Variants in CSMD1 observed in about 807,000 individuals in gnomAD.
The protein encoded by CSMD1 is CUB and sushi domain-containing protein 1.
A neutral mutation model predicts 417.5 loss-of-function variants in CSMD1; 213 were observed. That is an observed-to-expected ratio of 0.51 (90% confidence interval 0.46 to 0.57). The LOEUF (loss-of-function observed/expected upper bound fraction) is 0.57. Ranked by LOEUF, CSMD1 falls within the 20% of genes least tolerant of loss-of-function variation. CSMD1 has a pLI of 0.00. For missense variants in CSMD1, 6,923 were observed against 4,529.7 expected (o/e 1.53, Z -15.17); for synonymous variants, 2,862 against 1,736.8 (o/e 1.65, Z -16.11).
chr8:4,219,934 T>TA, intron 3 of CSMD1, among the ~76,000 whole-genome samples: 1 of 152,162 alleles, frequency 6.6e-6, no homozygotes, highest in Non-Finnish European at 1.5e-5. Context: ...TCACTCAAGA[T>TA]AATTTTTTAA....
At chr8:3,223,188 T>C (rs1350789332) in intron 28 of CSMD1, among the ~76,000 whole-genome samples, 2 of 152,230 alleles carry the variant, frequency 1.3e-5, no homozygotes, top group East Asian at 3.8e-4. Flanking sequence ...TATTAGACCT[T>C]CCATCGTCTA....
At chr8:2,985,427 G>A (rs1805808154) in intron 54 of CSMD1, among the ~76,000 whole-genome samples, 1 of 151,990 alleles carries the variant, frequency 6.6e-6, no homozygotes, top group African/African-American at 2.4e-5. Flanking sequence ...AGACTGGTGT[G>A]ATACTGCTAC....
At position 4,581,436 on chromosome 8, in the gene CSMD1, TAGCA is replaced by T. The variant is rs1266500841; in HGVS notation, c.302+55902_302+55905del. ...TTTATCTTTTTGAGCTTGGCAGATC[TAGCA>T]AGCAGTTGTTTTCTATTTTGAAAAC... On this transcript the variant is annotated intron_variant, in intron 2 of 69. Coordinates refer to ENST00000635120, the MANE Select transcript of CSMD1 (RefSeq NM_033225.6). 3.3e-5 allele frequency among the ~76,000 whole-genome samples: 5 copies of T among 152,230 alleles called. No individual in the cohort carries two copies. In the East Asian group the frequency reaches 7.7e-4, roughly 23 times the overall value.
intron 1 of CSMD1, among the ~76,000 whole-genome samples, chr8:4,694,651 C>G (rs1657879969): frequency 6.6e-6 from 1 of 152,040 alleles, no homozygotes; most frequent in African/African-American, 2.4e-5. Context: ...CCGTGAGTCA[C>G]CGCGCCCAGC....
At chr8:3,810,241 G>A (rs778155343) in intron 5 of CSMD1, among the ~76,000 whole-genome samples, 1 of 152,100 alleles carries the variant, frequency 6.6e-6, no homozygotes, top group Non-Finnish European at 1.5e-5. Context: ...TTTTCATAGA[G>A]ATTTCAAAAG....
chr8:4,727,463 G>T (rs1311779198), intron 1 of CSMD1, among the ~76,000 whole-genome samples: 2 of 152,140 alleles, frequency 1.3e-5, no homozygotes, highest in East Asian at 3.8e-4. Flanking sequence ...AAAGACTGGG[G>T]AAAACAATAA....
In CSMD1 at chr8:4,977,338, C is replaced by T. The variant is rs10094610; in HGVS notation, c.85+16994G>A. Reference sequence around the variant, plus strand: ...ACGCCCTTCTAACCTTGATTGAAAACGCAGCAGCACTTACCCCAGGCCCAC... The same window carrying T: ...ACGCCCTTCTAACCTTGATTGAAAATGCAGCAGCACTTACCCCAGGCCCAC... On this transcript the variant is annotated intron_variant, in intron 1 of 69. Coordinates refer to ENST00000635120, the MANE Select transcript of CSMD1 (RefSeq NM_033225.6). Among the ~76,000 whole-genome samples the T allele has an allele frequency of 3.3e-3, 498 of 152,136 alleles. 1 individual carries two copies. The highest frequency in any genetic ancestry group is 0.011 in the African/African-American group (446 of 41,498).
At position 4,196,120 on chromosome 8, in the gene CSMD1, A is replaced by C. The variant is rs536638422; in HGVS notation, c.416-164021T>G. On this transcript the variant is annotated intron_variant, in intron 3 of 69. Coordinates refer to ENST00000635120, the MANE Select transcript of CSMD1 (RefSeq NM_033225.6). ...CAGCTGCTGGGGAGACTGAGGCAGG[A>C]GAATGGCTTGAACCCGGGAAGTGGA... Among the ~76,000 whole-genome samples the C allele has an allele frequency of 8.5e-5, 13 of 152,220 alleles. No individual in the cohort carries two copies. In the South Asian group the frequency reaches 2.7e-3, roughly 32 times the overall value.
At chr8:3,180,765 G>A (rs1821271756) in intron 37 of CSMD1, among the ~76,000 whole-genome samples, 1 of 152,046 alleles carries the variant, frequency 6.6e-6, no homozygotes, top group African/African-American at 2.4e-5. Flanking sequence ...AGGTAGCTGA[G>A]ATTACAGGCG....
At chr8:4,492,061 T>A (rs1049587111) in intron 2 of CSMD1, among the ~76,000 whole-genome samples, 1 of 151,858 alleles carries the variant, frequency 6.6e-6, no homozygotes, top group Non-Finnish European at 1.5e-5. Context: ...AGAAACGACC[T>A]GTCAAGACAC....
chr8:3,311,241 C>G lies in CSMD1; in HGVS notation c.3632-2738G>C, dbSNP rs186061448. Among the ~76,000 whole-genome samples, 11 of 152,024 alleles carry G rather than the reference C, an allele frequency of 7.2e-5. No homozygotes were observed. In the East Asian group the frequency reaches 1.7e-3, roughly 24 times the overall value. ...TGTTGACATGAGATAGTCCTCCCCA[C>G]TACTAATAACAAACAACTTTTTTTT... On this transcript the variant is annotated intron_variant, in intron 23 of 69. Transcript: ENST00000635120.
intron 5 of CSMD1, among the ~76,000 whole-genome samples, chr8:3,812,507 A>C (rs13255496): frequency 0.4 from 60,770 of 152,054 alleles, 12,406 homozygotes; most frequent in East Asian, 0.47. Flanking sequence ...ACAACACTGA[A>C]AAACAGTTTG....
intron 26 of CSMD1, among the ~76,000 whole-genome samples, chr8:3,243,570 G>C (rs1799684889): frequency 6.6e-6 from 1 of 152,056 alleles, no homozygotes; most frequent in African/African-American, 2.4e-5. Context: ...ACAAGATAAT[G>C]TCATCAGTTA....
intron 17 of CSMD1, among the ~76,000 whole-genome samples, chr8:3,393,150 C>G (rs963999963): frequency 6.6e-6 from 1 of 152,180 alleles, no homozygotes; most frequent in Non-Finnish European, 1.5e-5. Flanking sequence ...TCCCTTAAGT[C>G]AGAGGAATAG....
At chr8:3,899,115 G>T (rs551422815) in intron 5 of CSMD1, among the ~76,000 whole-genome samples, 2 of 152,118 alleles carry the variant, frequency 1.3e-5, no homozygotes, top group African/African-American at 2.4e-5. Flanking sequence ...CATAAGTACT[G>T]ACTGGCGCCA....
At chr8:3,293,203 T>C (rs916135079) in intron 25 of CSMD1, among the ~76,000 whole-genome samples, 55 of 152,360 alleles carry the variant, frequency 3.6e-4, no homozygotes, top group Admixed American at 9.1e-4. Context: ...CCGCTGTTGG[T>C]CTGATGGGCT....
chr8:3,387,576 G>A lies in CSMD1; in HGVS notation c.2700C>T (p.Asp900=). ...CGTCGTCACTTAGTGTGTACCCCGG[G>A]TCACAGCTGAAAGTCACTGTGGACC... is the stretch of plus-strand genomic sequence containing the variant. ...GIRSTVTFSC[D]PGYTLSDDEP... The change falls in exon 18 of 70, where the codon GAC becomes GAT. Residue 900 remains aspartate (D), a synonymous_variant. Transcript: ENST00000635120. The A allele has an allele frequency of 1.2e-6, 2 of 1,601,252 alleles. No individual in the cohort carries two copies. Among genetic ancestry groups the A allele is most frequent in the Non-Finnish European group, 1.7e-6 (2 of 1,173,896 alleles).
rs529338572 is a variant in CSMD1 at position 3,282,584 on chromosome 8, CT to C, written c.4153+1559del. On this transcript the variant is annotated intron_variant, in intron 26 of 69. Coordinates refer to ENST00000635120, the MANE Select transcript of CSMD1 (RefSeq NM_033225.6). ...AGTGATATAATTTTGGAGTAAAGGA[CT>C]TTTTTTCCCCCAAGGCAGGATAGTT... Among the ~76,000 whole-genome samples, 124 of 152,044 alleles carry C rather than the reference CT, an allele frequency of 8.2e-4. 1 individual carries two copies. The Middle Eastern group carries it at 0.02, about 25-fold the overall frequency.
At chr8:4,452,887 T>G (rs1267280920) in intron 2 of CSMD1, among the ~76,000 whole-genome samples, 1 of 152,238 alleles carries the variant, frequency 6.6e-6, no homozygotes, top group South Asian at 2.1e-4. Flanking sequence ...TGAAACAAAT[T>G]CAGTAGAGAA....
Sources: gnomAD v4.1 joint callset for allele counts (sites outside exome capture counted in the v4.1 genomes callset) on GRCh38, gnomAD v4.1.1 for gene constraint, MANE v1.5 for transcripts, NCBI Gene and HGNC (gene_info 2026-07-23, HGNC 2026-07-21) for gene names.